Variants in RALGAPA2 observed in about 807,000 individuals in gnomAD.
RALGAPA2 encodes ral GTPase-activating protein subunit alpha-2.
Under a neutral mutation model 230.4 loss-of-function variants are expected in RALGAPA2, and 139 were observed. The ratio of observed to expected loss-of-function variants is 0.60; its 90% CI spans 0.53 to 0.69. The LOEUF (loss-of-function observed/expected upper bound fraction) is 0.69. Ranked by LOEUF, RALGAPA2 falls within the 30% of genes least tolerant of loss-of-function variation. The pLI, the probability that RALGAPA2 is intolerant of heterozygous loss-of-function variation, is 0.00. For synonymous variants in RALGAPA2, 847 were observed against 837.8 expected, an observed-to-expected ratio of 1.01 and a Z score of -0.19; for missense variants, 2,163 against 2,276.0, an observed-to-expected ratio of 0.95 and a Z score of 1.01.
chr20:20,472,670 C>A (rs2061565659), intron 37 of RALGAPA2, 159 bp downstream of exon 37: 1 of 595,638 alleles, frequency 1.7e-6, no homozygotes, highest in South Asian at 4.3e-5. Flanking sequence ...TATAAATTAA[C>A]AAATGCTATG....
chr20:20,628,201 T>G (rs1454148856), intron 10 of RALGAPA2, among the ~76,000 whole-genome samples: 1 of 152,250 alleles, frequency 6.6e-6, no homozygotes, highest in Non-Finnish European at 1.5e-5. Context: ...GTTGATTTTT[T>G]GTAATGAAAG....
chr20:20,585,986 T>A (rs2065122624), intron 18 of RALGAPA2, among the ~76,000 whole-genome samples: 1 of 152,152 alleles, frequency 6.6e-6, no homozygotes, highest in Non-Finnish European at 1.5e-5. Flanking sequence ...ATTTAGAAGA[T>A]TTAGAGGATT....
intron 31 of RALGAPA2, among the ~76,000 whole-genome samples, chr20:20,516,044 C>T (rs1339362603): frequency 6.6e-6 from 1 of 152,176 alleles, no homozygotes; most frequent in Admixed American, 6.5e-5. Context: ...TGCATGGGAG[C>T]TGGGCAAGGC....
intron 37 of RALGAPA2, among the ~76,000 whole-genome samples, chr20:20,436,244 T>G (rs1362621494): frequency 6.6e-6 from 1 of 152,084 alleles, no homozygotes; most frequent in Non-Finnish European, 1.5e-5. Context: ...ACCCTTCAAA[T>G]AAAACCCCAC....
chr20:20,535,887 G>C (rs2063484737), intron 25 of RALGAPA2, 84 bp from the exon 26 acceptor site: 1 of 1,470,060 alleles, frequency 6.8e-7, no homozygotes, highest in African/African-American at 1.4e-5. Context: ...AGGCAGCCAG[G>C]AGCTACTGAA....
intron 3 of RALGAPA2, among the ~76,000 whole-genome samples, chr20:20,660,882 G>T (rs2067754046): frequency 6.6e-6 from 1 of 152,000 alleles, no homozygotes; most frequent in African/African-American, 2.4e-5. Context: ...GTTGAACAAA[G>T]GTTATTATGT....
intron 20 of RALGAPA2, among the ~76,000 whole-genome samples, chr20:20,575,708 G>A (rs987206988): frequency 2.7e-4 from 41 of 152,060 alleles, no homozygotes; most frequent in African/African-American, 9.4e-4. Flanking sequence ...TAGAGAACCC[G>A]CATTAATTTA....
chr20:20,675,790 A>G (rs1420101500), intron 3 of RALGAPA2, among the ~76,000 whole-genome samples: 1 of 152,116 alleles, frequency 6.6e-6, no homozygotes. Context: ...ATATATATGT[A>G]TTTATATATA....
chr20:20,691,470 G>A (rs931910025), intron 1 of RALGAPA2, among the ~76,000 whole-genome samples: 1 of 151,836 alleles, frequency 6.6e-6, no homozygotes, highest in Non-Finnish European at 1.5e-5. Flanking sequence ...TTACAATTTT[G>A]TATTAAATAT....
chr20:20,518,010 T>C lies in RALGAPA2; in HGVS notation c.4084+2907A>G, dbSNP rs78449037. Among the ~76,000 whole-genome samples the C allele has an allele frequency of 3.3e-3, 499 of 152,258 alleles. 3 individuals carry two copies. Among genetic ancestry groups the C allele is most frequent in the African/African-American group, 0.012 (479 of 41,540 alleles). ...CAGATAAAGCATTCAGAAGGTTGATTATTAAGCTACTCAACGAGATCCCAG... is the reference window on the plus strand; with the variant it reads ...CAGATAAAGCATTCAGAAGGTTGATCATTAAGCTACTCAACGAGATCCCAG... On this transcript the variant is annotated intron_variant, in intron 31 of 39. Transcript: ENST00000202677.
At chr20:20,646,481 C>A (rs922016291) in intron 4 of RALGAPA2, among the ~76,000 whole-genome samples, 2 of 151,990 alleles carry the variant, frequency 1.3e-5, no homozygotes, top group African/African-American at 4.8e-5. Context: ...TTATACCCAC[C>A]CCACCTCTTC....
chr20:20,541,994 G>T (rs961262111), intron 24 of RALGAPA2, among the ~76,000 whole-genome samples: 5 of 152,186 alleles, frequency 3.3e-5, no homozygotes, highest in Admixed American at 6.5e-5. Context: ...TGACATGATT[G>T]TATATTTAGA....
intron 13 of RALGAPA2, among the ~76,000 whole-genome samples, chr20:20,614,371 C>G (rs1045309213): frequency 1.3e-5 from 2 of 151,894 alleles, no homozygotes; most frequent in South Asian, 4.2e-4. Flanking sequence ...ACTACTGATA[C>G]AGTAGTATAC....
chr20:20,400,337 C>G (rs543844944), intron 38 of RALGAPA2, among the ~76,000 whole-genome samples: 46 of 152,284 alleles, frequency 3.0e-4, no homozygotes, highest in African/African-American at 1.1e-3. Context: ...TGCCCATCAC[C>G]CTTGGTTCAG....
At chr20:20,443,013 C>T (rs1230663205) in intron 37 of RALGAPA2, among the ~76,000 whole-genome samples, 2 of 152,160 alleles carry the variant, frequency 1.3e-5, no homozygotes, top group Non-Finnish European at 2.9e-5. Context: ...TATCAATGGA[C>T]CATGATACTT....
At chr20:20,643,582 G>C (rs1471385382) in intron 4 of RALGAPA2, 33 bp from the exon 5 acceptor site, 1 of 1,385,684 alleles carries the variant, frequency 7.2e-7, no homozygotes, top group Non-Finnish European at 9.7e-7. Context: ...TATAAATAGA[G>C]TATATAAATG....
In RALGAPA2 at chr20:20,513,154, G is replaced by C. The variant is rs200963119; in HGVS notation, c.4215C>G (p.Asn1405Lys). 1 of 1,556,334 alleles carries C rather than the reference G, an allele frequency of 6.4e-7. No individual in the cohort carries two copies. Among genetic ancestry groups the C allele is most frequent in the Non-Finnish European group, 8.7e-7 (1 of 1,155,088 alleles). Residue 1405 changes from asparagine to lysine, a missense_variant, in exon 32 of 40, where the codon AAC (asparagine) becomes AAG (lysine). Coordinates refer to ENST00000202677, the MANE Select transcript of RALGAPA2 (RefSeq NM_020343.4). Reference protein sequence around the residue: ...PAILHSLVSENHDNAHVEGSE... With the variant: ...PAILHSLVSEKHDNAHVEGSE... ...AGCCTTCCACATGGGCATTGTCATG[G>C]TTCTCGCTGACAAGGCTGTGCAGTA...
In RALGAPA2 at chr20:20,620,616, A is replaced by G. The variant is rs766368784; in HGVS notation, c.1248T>C (p.Pro416=). 2.5e-6 allele frequency: 4 copies of G among 1,609,988 alleles called. No homozygotes were observed. In the South Asian group the frequency reaches 4.4e-5, roughly 18 times the overall value. The change falls in exon 11 of 40, where the codon CCT becomes CCC. Residue 416 remains proline, a synonymous_variant. Coordinates refer to ENST00000202677, the MANE Select transcript of RALGAPA2 (RefSeq NM_020343.4). The stretch of plus-strand genomic sequence containing the variant: ...TTCTTGTTACAGCTATCTCACAGGA[A>G]GGCAACAAAAATGCCTGAAAGGAAA... ...NEVFHQAFLL[P]SCEIAVTRKV... is the part of the protein sequence containing the mutation.
intron 8 of RALGAPA2, among the ~76,000 whole-genome samples, chr20:20,635,970 TG>T (rs2066845425): frequency 6.6e-6 from 1 of 152,244 alleles, no homozygotes; most frequent in Admixed American, 6.5e-5. Flanking sequence ...ATTTTATAGC[TG>T]GAACAAATGT....
Sources: allele counts gnomAD v4.1 joint callset (sites outside exome capture counted in the v4.1 genomes callset), GRCh38; gene constraint gnomAD v4.1.1; transcripts MANE v1.5; gene names NCBI Gene and HGNC (gene_info 2026-07-23, HGNC 2026-07-21).